Variants in GPC6 observed in about 807,000 individuals in gnomAD.
GPC6 encodes glypican-6.
Under a neutral mutation model 55.2 loss-of-function variants are expected in GPC6, and 14 were observed. The ratio of observed to expected loss-of-function variants is 0.25; its 90% CI spans 0.17 to 0.40. The LOEUF is 0.40. GPC6 is among the 10% of genes least tolerant of loss of function. The probability of loss-of-function intolerance (pLI) is 1.00; values close to 1 mark genes in which losing one functional copy is unlikely to be tolerated. For synonymous variants in GPC6, 278 were observed against 259.6 expected (o/e 1.07, Z -0.68); for missense variants, 641 against 708.5 (o/e 0.90, Z 1.08).
At chr13:93,351,184 A>G (rs1181520421) in intron 1 of GPC6, among the ~76,000 whole-genome samples, 2 of 152,198 alleles carry the variant, frequency 1.3e-5, no homozygotes, top group Admixed American at 1.3e-4. Flanking sequence ...CTGATAAACA[A>G]GAAACAGCAT....
At chr13:93,857,182 A>G (rs1420635700) in intron 3 of GPC6, among the ~76,000 whole-genome samples, 1 of 151,630 alleles carries the variant, frequency 6.6e-6, no homozygotes, top group Non-Finnish European at 1.5e-5. Flanking sequence ...ATAGATCACA[A>G]TAAATTGCAA....
chr13:93,245,491 A>C (rs1259827422), intron 1 of GPC6, among the ~76,000 whole-genome samples: 1 of 152,200 alleles, frequency 6.6e-6, no homozygotes, highest in Non-Finnish European at 1.5e-5. Flanking sequence ...TGCAAAACAC[A>C]AATGGCTGGG....
chr13:94,190,326 T>C (rs1290486639), intron 4 of GPC6, among the ~76,000 whole-genome samples: 1 of 150,752 alleles, frequency 6.6e-6, no homozygotes, highest in Non-Finnish European at 1.5e-5. Flanking sequence ...AAAAAAAGTA[T>C]GCAGAAAAAA....
chr13:93,231,404 T>C (rs1333746753), intron 1 of GPC6, among the ~76,000 whole-genome samples: 12 of 42,122 alleles, frequency 2.8e-4, no homozygotes, highest in African/African-American at 1.3e-3. Context: ...TATGTATATA[T>C]ATATATATAT....
chr13:93,899,838 T>C (rs1373686996), intron 3 of GPC6, among the ~76,000 whole-genome samples: 3 of 152,180 alleles, frequency 2.0e-5, no homozygotes, highest in African/African-American at 4.8e-5. Context: ...ATATAAATAT[T>C]AGGACAACAT....
the GPC6 span, among the ~76,000 whole-genome samples, chr13:93,220,880 G>C: frequency 6.6e-6 from 1 of 152,058 alleles, no homozygotes; most frequent in South Asian, 2.1e-4. Context: ...TTTAAAAATA[G>C]TATTTTATTT....
At chr13:93,361,524 A>AG (rs1881039706) in intron 1 of GPC6, among the ~76,000 whole-genome samples, 1 of 152,178 alleles carries the variant, frequency 6.6e-6, no homozygotes, top group Admixed American at 6.5e-5. Flanking sequence ...CATTATCTAC[A>AG]GGTTGCAAGA....
chr13:93,547,354 C>A (rs527537496), intron 2 of GPC6, among the ~76,000 whole-genome samples: 1 of 152,000 alleles, frequency 6.6e-6, no homozygotes, highest in Middle Eastern at 3.4e-3. Context: ...TCAAAACAAA[C>A]AACAAAAACA....
At chr13:93,515,610 A>T (rs1330833495) in intron 1 of GPC6, among the ~76,000 whole-genome samples, 1 of 152,200 alleles carries the variant, frequency 6.6e-6, no homozygotes, top group East Asian at 1.9e-4. Flanking sequence ...GTTTGTCCTG[A>T]AAATGAAATG....
chr13:93,698,732 G>A (rs1882563247), intron 2 of GPC6, among the ~76,000 whole-genome samples: 1 of 151,534 alleles, frequency 6.6e-6, no homozygotes, highest in Admixed American at 6.6e-5. Context: ...ACTTACCGAT[G>A]GTTCTTGAAA....
At chr13:94,348,112 G>T (rs143414684) in intron 6 of GPC6, among the ~76,000 whole-genome samples, 3 of 152,294 alleles carry the variant, frequency 2.0e-5, no homozygotes, top group Middle Eastern at 3.4e-3. Context: ...TGCCCGACTG[G>T]TTGGTTGAAT....
At chr13:93,780,721 A>G (rs1885615843) in intron 2 of GPC6, among the ~76,000 whole-genome samples, 1 of 152,166 alleles carries the variant, frequency 6.6e-6, no homozygotes, top group South Asian at 2.1e-4. Context: ...CAAGTCATAG[A>G]ATGATTCAAC....
intron 2 of GPC6, among the ~76,000 whole-genome samples, chr13:93,756,702 A>G (rs754600852): frequency 6.6e-6 from 1 of 152,090 alleles, no homozygotes; most frequent in South Asian, 2.1e-4. Flanking sequence ...TGGGGGCATA[A>G]GAGATGAAGC....
chr13:94,114,096 CAAAAAAAAAAAAA>C (rs10581935), intron 4 of GPC6, among the ~76,000 whole-genome samples: 1 of 34,366 alleles, frequency 2.9e-5, no homozygotes, highest in African/African-American at 1.1e-4. Flanking sequence ...TTAGCTTTAT[CAAAAAAAAAAAAA>C]AAAAAAAAAA....
In GPC6 at chr13:94,388,643, T is replaced by G. The variant is rs1880515490; in HGVS notation, c.1289+6093T>G. ...AATAGACTAAACAACAGAAATTTAT[T>G]TCTCATAGTTCTAGAGGCTGGGAAG... On this transcript the variant is annotated intron_variant, in intron 7 of 8. Coordinates refer to ENST00000377047, the MANE Select transcript of GPC6 (RefSeq NM_005708.5). Among the ~76,000 whole-genome samples, 4 of 152,226 alleles carry G rather than the reference T, an allele frequency of 2.6e-5. No individual in the cohort carries two copies. The South Asian group carries it at 8.3e-4, about 32-fold the overall frequency.
intron 2 of GPC6, among the ~76,000 whole-genome samples, chr13:93,755,588 T>C (rs1884740090): frequency 6.6e-6 from 1 of 152,182 alleles, no homozygotes; most frequent in South Asian, 2.1e-4. Context: ...TCATTGTTTA[T>C]TTCTTTGTGT....
At chr13:93,595,374 G>T (rs982666236) in intron 2 of GPC6, among the ~76,000 whole-genome samples, 1 of 152,054 alleles carries the variant, frequency 6.6e-6, no homozygotes, top group Non-Finnish European at 1.5e-5. Context: ...AAGTTTTATC[G>T]CTTGTTGGCC....
At chr13:93,868,031 G>T in intron 3 of GPC6, among the ~76,000 whole-genome samples, 1 of 151,858 alleles carries the variant, frequency 6.6e-6, no homozygotes, top group South Asian at 2.1e-4. Flanking sequence ...GGTTACTCGG[G>T]AGAATGCCTT....
chr13:94,010,970 A>G (rs1316968368), intron 3 of GPC6, among the ~76,000 whole-genome samples: 2 of 152,144 alleles, frequency 1.3e-5, no homozygotes, highest in East Asian at 1.9e-4. Context: ...CATATCTGAA[A>G]CACCAAGATG....
Sources: allele counts gnomAD v4.1 joint callset (sites outside exome capture counted in the v4.1 genomes callset), GRCh38; gene constraint gnomAD v4.1.1; transcripts MANE v1.5; gene names NCBI Gene and HGNC (gene_info 2026-07-23, HGNC 2026-07-21).